Variants in IQSEC1 observed in about 807,000 individuals in gnomAD.
IQSEC1 encodes IQ motif and Sec7 domain ArfGEF 1.
A neutral mutation model predicts 91.0 loss-of-function variants in IQSEC1; 31 were observed. The observed-to-expected ratio is 0.34, with a 90% CI of 0.26 to 0.46. The LOEUF (loss-of-function observed/expected upper bound fraction) is 0.46, where lower values mean the gene tolerates loss of function less well. Among genes scored for constraint, IQSEC1 ranks in the 20% least tolerant of loss-of-function variants. The pLI, the probability that IQSEC1 is intolerant of heterozygous loss-of-function variation, is 1.00. For synonymous variants in IQSEC1, 699 were observed against 662.6 expected (o/e 1.05, Z -0.84); for missense variants, 1,388 against 1,575.6 (o/e 0.88, Z 2.02).
chr3:12,923,981 G>C (rs1338648543), intron 4 of IQSEC1, among the ~76,000 whole-genome samples: 2 of 152,238 alleles, frequency 1.3e-5, no homozygotes, highest in African/African-American at 2.4e-5. Context: ...ACTGAGAAGA[G>C]CTGTGGAATC....
Position 12,935,837 on chromosome 3 carries a change from G to A in IQSEC1, c.1179C>T (p.Tyr393=), listed in dbSNP as rs374281097. The change falls in exon 3 of 14, where the codon TAC becomes TAT. Residue 393 remains tyrosine (Y), a synonymous_variant. Transcript: ENST00000613206. This position sits in a 1 kb window ranked among gnomAD's most constrained non-coding sequence, Gnocchi z 8.0. ...ERGSLKRQSA[Y]ERSLGGQQGS... ...CCTGCTGCCCGCCAAGGCTGCGCTC[G>A]TAAGCACTCTGCCTCTTGAGTGACC... 28 of 1,608,226 alleles carry A rather than the reference G, an allele frequency of 1.7e-5. No individual in the cohort carries two copies. The highest frequency in any genetic ancestry group is 4.5e-5 in the East Asian group (2 of 44,870).
chr3:13,047,232 G>C (rs1484043880), intron 1 of IQSEC1, among the ~76,000 whole-genome samples: 2 of 152,204 alleles, frequency 1.3e-5, no homozygotes, highest in African/African-American at 4.8e-5. Flanking sequence ...TCTGGTCTTT[G>C]GGGGCAGAAC....
At chr3:13,209,957 C>T (rs1001332289) in intron 1 of IQSEC1, among the ~76,000 whole-genome samples, 3 of 152,152 alleles carry the variant, frequency 2.0e-5, no homozygotes, top group African/African-American at 7.2e-5. Context: ...ATTACCCACA[C>T]ATCCCTTATT....
In IQSEC1 at chr3:13,090,231, C is replaced by A. The variant is rs985176707; in HGVS notation, c.303-42709G>T. Among the ~76,000 whole-genome samples the A allele has an allele frequency of 6.2e-5, 9 of 144,766 alleles. No individual in the cohort carries two copies. The Admixed American group carries it at 6.2e-4, about 10-fold the overall frequency. The allele number at this position is 144,766 out of a possible 152,430, so 95.0% of individuals were successfully genotyped here. A position where few individuals can be genotyped will look rare whatever the true frequency, so the allele number is the denominator to read the frequency against. On this transcript the variant is annotated intron_variant, in intron 2 of 15. Transcript: ENST00000648114. ...AGACTCTGTCTCAAAAAAAATAAAA[C>A]AACAAAAACAAACTACTGTATATTT...
chr3:13,097,551 T>C (rs773600478), intron 2 of IQSEC1, among the ~76,000 whole-genome samples: 8 of 152,200 alleles, frequency 5.3e-5, no homozygotes, highest in Non-Finnish European at 1.2e-4. Flanking sequence ...GAACCGGGGC[T>C]GGGCCCCTCA....
upstream of IQSEC1, among the ~76,000 whole-genome samples, chr3:13,075,412 C>T (rs944470028): frequency 7.9e-5 from 12 of 152,220 alleles, no homozygotes; most frequent in Non-Finnish European, 1.3e-4. Flanking sequence ...CCCTCTCAGC[C>T]GCCTTGCTCA....
intron 2 of IQSEC1, among the ~76,000 whole-genome samples, chr3:12,938,702 C>T (rs1317909505): frequency 6.6e-5 from 10 of 152,040 alleles, no homozygotes; most frequent in East Asian, 1.9e-4. Flanking sequence ...ACTTTGTGGG[C>T]GGCACAAGTA....
intron 1 of IQSEC1, among the ~76,000 whole-genome samples, chr3:13,232,735 TAGTGTACCCC>T (rs1694858957): frequency 6.6e-6 from 1 of 151,936 alleles, no homozygotes; most frequent in Non-Finnish European, 1.5e-5. Context: ...AAATAAAGAG[TAGTGTACCCC>T]AGTGTCCACA....
At chr3:12,903,475 C>T (rs1304494219) in intron 12 of IQSEC1, among the ~76,000 whole-genome samples, 2 of 152,208 alleles carry the variant, frequency 1.3e-5, no homozygotes, top group African/African-American at 4.8e-5. Flanking sequence ...CTTGGGATTC[C>T]TCTGCTTGGT....
rs780562894 is a variant in IQSEC1 at position 13,193,527 on chromosome 3, G to C, written c.273-29394C>G. On this transcript the variant is annotated intron_variant, in intron 1 of 15. Transcript: ENST00000648114. The surrounding 1 kb of genome is among the most constrained non-coding windows in gnomAD (Gnocchi z 4.2). ...GAACAAGGCACAGAGGGGACGAAGAGGAGTGCCAGCCCAGGCCGCCAGGGT... is the reference window on the plus strand; with the variant it reads ...GAACAAGGCACAGAGGGGACGAAGACGAGTGCCAGCCCAGGCCGCCAGGGT... Among the ~76,000 whole-genome samples, 87 of 152,190 alleles carry C rather than the reference G, an allele frequency of 5.7e-4. No homozygotes were observed. Among genetic ancestry groups the C allele is most frequent in the Admixed American group, 1.1e-3 (17 of 15,284 alleles).
intron 1 of IQSEC1, among the ~76,000 whole-genome samples, chr3:13,192,248 A>G (rs1478770041): frequency 1.4e-4 from 22 of 152,060 alleles, no homozygotes; most frequent in South Asian, 1.0e-3. Flanking sequence ...TGAGGCAGGA[A>G]AATGGCGTGA....
chr3:13,278,531 G>C (rs562245183), intron 1 of IQSEC1, among the ~76,000 whole-genome samples: 21 of 152,284 alleles, frequency 1.4e-4, no homozygotes, highest in Middle Eastern at 3.4e-3. Flanking sequence ...ATAGGAGCTG[G>C]GGGGAGGCTG....
chr3:12,911,915 CA>C (rs1695596146), intron 9 of IQSEC1, among the ~76,000 whole-genome samples, 187 bp from the exon 10 acceptor site: 1 of 152,214 alleles, frequency 6.6e-6, no homozygotes, highest in Non-Finnish European at 1.5e-5. Flanking sequence ...ACCCCGATGC[CA>C]TCTTGGCTGG....
intron 1 of IQSEC1, among the ~76,000 whole-genome samples, chr3:13,045,612 C>T (rs1045634228): frequency 6.6e-6 from 1 of 152,228 alleles, no homozygotes; most frequent in Non-Finnish European, 1.5e-5. Context: ...TAGGCCCCCA[C>T]ACATCCTAGA....
chr3:13,085,179 C>T (rs1427093519), intron 2 of IQSEC1, among the ~76,000 whole-genome samples: 1 of 152,172 alleles, frequency 6.6e-6, no homozygotes, highest in Non-Finnish European at 1.5e-5. Flanking sequence ...GTCCATTTTA[C>T]AGATGAGGAA....
At chr3:12,915,490 G>A (rs1559616742) in intron 7 of IQSEC1, 104 bp downstream of exon 7, 1 of 1,290,868 alleles carries the variant, frequency 7.7e-7, no homozygotes, top group Non-Finnish European at 1.1e-6. Flanking sequence ...CAGCCCTGCT[G>A]GAAGAGACCA....
intron 1 of IQSEC1, among the ~76,000 whole-genome samples, chr3:12,946,842 GCA>G (rs777882539): frequency 2.6e-5 from 4 of 152,230 alleles, no homozygotes; most frequent in Non-Finnish European, 4.4e-5. Flanking sequence ...TCTGGGGGCT[GCA>G]CAGACAGTCC....
intron 1 of IQSEC1, among the ~76,000 whole-genome samples, chr3:12,951,459 ATT>A (rs2125420076): frequency 1.3e-5 from 2 of 152,030 alleles, no homozygotes; most frequent in African/African-American, 4.8e-5. Context: ...AAAAAAAAAA[ATT>A]AGAATAAAAG....
intron 1 of IQSEC1, among the ~76,000 whole-genome samples, chr3:12,960,021 C>G (rs1700147144): frequency 6.6e-6 from 1 of 152,198 alleles, no homozygotes; most frequent in Non-Finnish European, 1.5e-5. Context: ...CTCCCCCTCC[C>G]CCAGCAGCAG....
Sources: gnomAD v4.1 joint callset for allele counts (sites outside exome capture counted in the v4.1 genomes callset) on GRCh38, gnomAD v4.1.1 for gene constraint, Gnocchi (gnomAD v3.1) non-coding constraint, MANE v1.5 for transcripts, NCBI Gene and HGNC (gene_info 2026-07-23, HGNC 2026-07-21) for gene names.